OTOS: variants seen among roughly 807,000 people sequenced by gnomAD.
The protein encoded by OTOS is otospiralin.
In OTOS, 14 loss-of-function variants were observed where a neutral mutation model predicts 12.5. The observed-to-expected ratio is 1.12, with a 90% CI of 0.74 to 1.76. The LOEUF (loss-of-function observed/expected upper bound fraction) is 1.76. Among genes scored for constraint, OTOS ranks in the 40% most tolerant of loss-of-function variants. The pLI, the probability that OTOS is intolerant of heterozygous loss-of-function variation, is 0.00. For synonymous variants in OTOS, 49 were observed against 47.6 expected, an observed-to-expected ratio of 1.03 and a Z score of -0.12; for missense variants, 141 against 112.8, an observed-to-expected ratio of 1.25 and a Z score of -1.13.
In OTOS at chr2:240,140,258, C is replaced by T. The variant is rs759851606; in HGVS notation, c.58+11G>A. 44 of 1,589,244 alleles carry T rather than the reference C, an allele frequency of 2.8e-5. No homozygotes were observed. In the South Asian group the frequency reaches 3.2e-4, roughly 12 times the overall value. ...TCCTGGTGGCTGCCTCCCTCCAGAG[C>T]GGCCCCTCACCTGCAAGAGGCCCCA... On this transcript the variant is annotated intron_variant, in intron 2 of 3. Coordinates refer to ENST00000319460, the MANE Select transcript of OTOS (RefSeq NM_148961.4).
chr2:240,140,036 A>T (rs771926949), intron 3 of OTOS, 26 bp downstream of exon 3: 2 of 1,611,846 alleles, frequency 1.2e-6, no homozygotes, highest in Non-Finnish European at 1.7e-6. Flanking sequence ...TATGCAAATG[A>T]AAGGAAAGAA....
chr2:240,139,052 T>G lies in OTOS; in HGVS notation c.*118A>C. On this transcript the variant is annotated 3_prime_UTR_variant, in exon 4 of 4. Transcript: ENST00000319460. ...TGTGCATCTTCAGTCCGGAGTTTAT[T>G]GAGCGTGAGACCAGGCCTGACTCCT... 3.7e-6 allele frequency: 4 copies of G among 1,077,936 alleles called. No homozygotes were observed. Among genetic ancestry groups the G allele is most frequent in the Non-Finnish European group, 5.2e-6 (4 of 762,268 alleles). The allele number at this position is 1,077,936 out of a possible 1,614,324, so 66.8% of individuals were successfully genotyped here. A position where few individuals can be genotyped will look rare whatever the true frequency, so the allele number is the denominator to read the frequency against.
chr2:240,139,450 G>A, intron 3 of OTOS, 96 bp from the exon 4 acceptor site: 1 of 1,311,134 alleles, frequency 7.6e-7, no homozygotes, highest in South Asian at 1.4e-5. Context: ...ATGGTTCCCA[G>A]CTCTACCTAC....
intron 2 of OTOS, 85 bp downstream of exon 2, chr2:240,140,183 CA>C: frequency 6.3e-7 from 1 of 1,594,440 alleles, no homozygotes; most frequent in South Asian, 1.1e-5. Context: ...GGTTTCCTAG[CA>C]GCCTGGGGAT....
In OTOS at chr2:240,140,423, AC is replaced by A; in HGVS notation, c.-98del. ...CCATCCGTCAGGGCCGGCTTCCTCTACCAGTCCCAGTGTGGGCAGCCCTGGG... is the reference window on the plus strand; with the variant it reads ...CCATCCGTCAGGGCCGGCTTCCTCTACAGTCCCAGTGTGGGCAGCCCTGGG... On this transcript the variant is annotated 5_prime_UTR_variant, in exon 2 of 4. Transcript: ENST00000319460. 7.5e-7 allele frequency: 1 copy of A among 1,326,638 alleles called. No individual in the cohort carries two copies. Among genetic ancestry groups the A allele is most frequent in the Non-Finnish European group, 1.0e-6 (1 of 982,164 alleles). 82.2% of individuals were successfully genotyped at this position (1,326,638 alleles called of 1,614,324 possible). A position where few individuals can be genotyped will look rare whatever the true frequency, so the allele number is the denominator to read the frequency against.
Position 240,139,335 on chromosome 2 carries a change from C to T in OTOS, c.105G>A (p.Pro35=), listed in dbSNP as rs183918622. 1.7e-5 allele frequency: 27 copies of T among 1,613,650 alleles called. No individual in the cohort carries two copies. Among genetic ancestry groups the T allele is most frequent in the Admixed American group, 3.3e-5 (2 of 60,006 alleles). ...TGGAGAAAGGCCAGTAGGGCATGGC[C>T]GGCAGCTCCGCGTAAGGGTCTGAAA... The part of the protein sequence containing the change: ...QEEGDPYAEL[P]AMPYWPFSTS... The change falls in exon 4 of 4, where the codon CCG becomes CCA. Residue 35 remains proline, a synonymous_variant. Coordinates refer to ENST00000319460, the MANE Select transcript of OTOS (RefSeq NM_148961.4).
At chr2:240,140,009 G>A (rs552544628) in intron 3 of OTOS, 53 bp downstream of exon 3, 78 of 1,590,506 alleles carry the variant, frequency 4.9e-5, no homozygotes, top group South Asian at 2.9e-4. Context: ...GTTTCTCCCC[G>A]CTGCATACCA....
rs765838781 is a variant in OTOS at position 240,139,320 on chromosome 2, C to T, written c.120G>A (p.Trp40Ter). 6.2e-7 allele frequency: 1 copy of T among 1,613,972 alleles called. No individual in the cohort carries two copies. The highest frequency in any genetic ancestry group is 8.5e-7 in the Non-Finnish European group (1 of 1,179,916). ...TCCAGAAGTCAGAGGTGGAGAAAGGCCAGTAGGGCATGGCCGGCAGCTCCG... is the reference window on the plus strand; with the variant it reads ...TCCAGAAGTCAGAGGTGGAGAAAGGTCAGTAGGGCATGGCCGGCAGCTCCG... ...PYAELPAMPY[W>*]PFSTSDFWNY... Residue 40 changes from tryptophan (W) to a stop codon, truncating the protein, a stop_gained, in exon 4 of 4, where the codon TGG (tryptophan) becomes TGA (stop). Coordinates refer to ENST00000319460, the MANE Select transcript of OTOS (RefSeq NM_148961.4). LOFTEE classifies it high-confidence loss of function.
Position 240,139,319 on chromosome 2 carries a change from G to T in OTOS, c.121C>A (p.Pro41Thr), listed in dbSNP as rs1260427680. The T allele has an allele frequency of 3.1e-6, 5 of 1,613,946 alleles. No individual in the cohort carries two copies. The highest frequency in any genetic ancestry group is 4.2e-6 in the Non-Finnish European group (5 of 1,179,954). The stretch of plus-strand genomic sequence containing the variant: ...TTCCAGAAGTCAGAGGTGGAGAAAG[G>T]CCAGTAGGGCATGGCCGGCAGCTCC... Reference protein sequence around the residue: ...YAELPAMPYWPFSTSDFWNYV... With the variant: ...YAELPAMPYWTFSTSDFWNYV... The change falls in exon 4 of 4, where the codon CCT becomes ACT. Residue 41 changes from proline (P) to threonine (T), a missense_variant. Transcript: ENST00000319460.
chr2:240,139,566 A>AGGGGAAGAGAGGGAG (rs55855364), intron 3 of OTOS, among the ~76,000 whole-genome samples: 156 of 152,140 alleles, frequency 1.0e-3, no homozygotes, highest in African/African-American at 3.6e-3. Flanking sequence ...GAAGAGAGGG[A>AGGGGAAGAGAGGGAG]GGGAAGCCCT....
At chr2:240,139,948 A>C in intron 3 of OTOS, 114 bp downstream of exon 3, 108 of 1,160,398 alleles carry the variant, frequency 9.3e-5, no homozygotes, top group Non-Finnish European at 1.2e-4. Flanking sequence ...GAGCTGAGCC[A>C]GGGCCCCTGA....
intron 3 of OTOS, 134 bp from the exon 4 acceptor site, chr2:240,139,488 C>A (rs2072035306): frequency 1.2e-6 from 1 of 865,498 alleles, no homozygotes; most frequent in Non-Finnish European, 1.7e-6. Flanking sequence ...AGAGTGGGGG[C>A]CTGAGCCCAT....
In OTOS at chr2:240,139,335, C is replaced by A; in HGVS notation, c.105G>T (p.Pro35=). ...TGGAGAAAGGCCAGTAGGGCATGGC[C>A]GGCAGCTCCGCGTAAGGGTCTGAAA... ...QEEGDPYAEL[P]AMPYWPFSTS... is the part of the protein sequence containing the mutation. Residue 35 remains proline, a synonymous_variant, in exon 4 of 4, where the codon CCG becomes CCT. Transcript: ENST00000319460. 6.2e-7 allele frequency: 1 copy of A among 1,613,652 alleles called. No individual in the cohort carries two copies. Among genetic ancestry groups the A allele is most frequent in the Non-Finnish European group, 8.5e-7 (1 of 1,179,726 alleles).
At chr2:240,139,562 A>AGGAAG (rs1287055762) in intron 3 of OTOS, among the ~76,000 whole-genome samples, 1 of 146,026 alleles carries the variant, frequency 6.8e-6, no homozygotes, top group African/African-American at 2.5e-5. Flanking sequence ...AGGGGAAGAG[A>AGGAAG]GGGAGGGAAG....
At position 240,139,181 on chromosome 2, in the gene OTOS, G is replaced by C. The variant is rs141757632; in HGVS notation, c.259C>G (p.Gln87Glu). 3.2e-5 allele frequency: 51 copies of C among 1,613,560 alleles called. 1 individual carries two copies. Among genetic ancestry groups the C allele is most frequent in the Non-Finnish European group, 4.0e-5 (47 of 1,179,838 alleles). ...GSTLGFHVPYQED is the reference protein window; with the variant it reads ...GSTLGFHVPYEED ...AGGCTGGACACCATTCAGTCCTCCT[G>C]ATAGGGAACGTGGAAGCCCAGCGTG... is the stretch of plus-strand genomic sequence containing the variant. The change falls in exon 4 of 4, where the codon CAG becomes GAG. Residue 87 changes from glutamine to glutamate, a missense_variant. Transcript: ENST00000319460.
Position 240,140,370 on chromosome 2 carries a change from A to G in OTOS, c.-44T>C, listed in dbSNP as rs1239951484. On this transcript the variant is annotated 5_prime_UTR_variant, in exon 2 of 4. Coordinates refer to ENST00000319460, the MANE Select transcript of OTOS (RefSeq NM_148961.4). ...TCTGCGACTCAGGCCCACCTGCAGC[A>G]GGATGAACCCAGGAAGGGCGAGACC... The G allele has an allele frequency of 1.3e-6, 2 of 1,533,458 alleles. No homozygotes were observed. Among genetic ancestry groups the G allele is most frequent in the Non-Finnish European group, 8.8e-7 (1 of 1,135,072 alleles). The allele number at this position is 1,533,458 out of a possible 1,614,324, so 95.0% of individuals were successfully genotyped here. A position where few individuals can be genotyped will look rare whatever the true frequency, so the allele number is the denominator to read the frequency against.
At chr2:240,140,231 G>C in intron 2 of OTOS, 38 bp downstream of exon 2, 3 of 1,582,626 alleles carry the variant, frequency 1.9e-6, no homozygotes, top group Non-Finnish European at 2.6e-6. Flanking sequence ...GGCTGTCGGG[G>C]GTCCTGGTGG....
In OTOS at chr2:240,140,422, T is replaced by A; in HGVS notation, c.-96A>T. The A allele has an allele frequency of 1.5e-6, 2 of 1,327,636 alleles. No homozygotes were observed. Among genetic ancestry groups the A allele is most frequent in the African/African-American group, 1.5e-5 (1 of 68,162 alleles). The allele number at this position is 1,327,636 out of a possible 1,614,324, so 82.2% of individuals were successfully genotyped here. A position where few individuals can be genotyped will look rare whatever the true frequency, so the allele number is the denominator to read the frequency against. On this transcript the variant is annotated 5_prime_UTR_variant, in exon 2 of 4. Transcript: ENST00000319460. Reference sequence around the variant, plus strand: ...CCCATCCGTCAGGGCCGGCTTCCTCTACCAGTCCCAGTGTGGGCAGCCCTG... The same window carrying A: ...CCCATCCGTCAGGGCCGGCTTCCTCAACCAGTCCCAGTGTGGGCAGCCCTG...
At position 240,140,433 on chromosome 2, in the gene OTOS, G is replaced by C; in HGVS notation, c.-107C>G. On this transcript the variant is annotated 5_prime_UTR_variant, in exon 2 of 4. Transcript: ENST00000319460. ...GGGCCGGCTTCCTCTACCAGTCCCAGTGTGGGCAGCCCTGGGGAAAATGGC... is the reference window on the plus strand; with the variant it reads ...GGGCCGGCTTCCTCTACCAGTCCCACTGTGGGCAGCCCTGGGGAAAATGGC... 1 of 1,183,976 alleles carries C rather than the reference G, an allele frequency of 8.4e-7. No individual in the cohort carries two copies. Among genetic ancestry groups the C allele is most frequent in the South Asian group, 1.6e-5 (1 of 63,760 alleles). 73.3% of individuals were successfully genotyped at this position (1,183,976 alleles called of 1,614,324 possible). A position where few individuals can be genotyped will look rare whatever the true frequency, so the allele number is the denominator to read the frequency against.
Sources: gnomAD v4.1 joint callset for allele counts (sites outside exome capture counted in the v4.1 genomes callset) on GRCh38, gnomAD v4.1.1 for gene constraint, MANE v1.5 for transcripts, NCBI Gene and HGNC (gene_info 2026-07-23, HGNC 2026-07-21) for gene names.